MAN2B2: variants seen among roughly 807,000 people sequenced by gnomAD.
MAN2B2 encodes the protein mannosidase alpha class 2B member 2.
In MAN2B2, 106 loss-of-function variants were observed where a neutral mutation model predicts 117.1. The observed-to-expected ratio is 0.90, with a 90% confidence interval of 0.77 to 1.06. The LOEUF is 1.06. Ranked by LOEUF, MAN2B2 falls within the 50% of genes least tolerant of loss-of-function variation. MAN2B2 has a pLI of 0.00. For missense variants in MAN2B2, 1,326 were observed against 1,381.4 expected (o/e 0.96, Z 0.64); for synonymous variants, 544 against 595.1 (o/e 0.91, Z 1.25).
At chr4:6,620,753 C>T (rs929898661) in intron 18 of MAN2B2, 5 of 167,032 alleles carry the variant, frequency 3.0e-5, no homozygotes, top group African/African-American at 4.8e-5. Context: ...GATAAGTGGA[C>T]GGCTCCCTCC....
chr4:6,592,754 A>T (rs1425122905), intron 5 of MAN2B2, among the ~76,000 whole-genome samples: 1 of 152,248 alleles, frequency 6.6e-6, no homozygotes, highest in Non-Finnish European at 1.5e-5. Context: ...TAAGGCAAAC[A>T]GAGAAAGATG....
At position 6,589,137 on chromosome 4, in the gene MAN2B2, G is replaced by T; in HGVS notation, c.657G>T (p.Pro219=). 1 of 1,614,082 alleles carries T rather than the reference G, an allele frequency of 6.2e-7. No individual in the cohort carries two copies. Among genetic ancestry groups the T allele is most frequent in the Non-Finnish European group, 8.5e-7 (1 of 1,179,944 alleles). The part of the protein sequence containing the change: ...HIMDQYSYCT[P]SHIPFSNRSG... ...TGGACCAGTACAGCTACTGCACCCC[G>T]TCCCACATCCCTTTCTCCAACAGGT... The change falls in exon 5 of 19, where the codon CCG becomes CCT. Residue 219 remains proline (P), a synonymous_variant. Coordinates refer to ENST00000285599, the MANE Select transcript of MAN2B2 (RefSeq NM_015274.3).
chr4:6,614,074 T>C (rs1711730621), intron 15 of MAN2B2, 144 bp from the exon 16 acceptor site: 1 of 977,464 alleles, frequency 1.0e-6, no homozygotes, highest in Admixed American at 2.7e-5. Context: ...ACAAACACTT[T>C]GGGCTGGTGC....
At chr4:6,610,081 C>T (rs1215367957) in intron 13 of MAN2B2, 31 bp downstream of exon 13, 2 of 1,610,930 alleles carry the variant, frequency 1.2e-6, no homozygotes, top group Admixed American at 1.7e-5. Flanking sequence ...AAGGCACGCT[C>T]CCAATGGCGC....
chr4:6,610,381 G>A (rs927328122), intron 13 of MAN2B2, among the ~76,000 whole-genome samples: 1 of 152,024 alleles, frequency 6.6e-6, no homozygotes, highest in Non-Finnish European at 1.5e-5. Flanking sequence ...GGTCTTGAAC[G>A]CCTGACCTCA....
At chr4:6,608,264 T>TTTTC (rs1727624340) in intron 11 of MAN2B2, among the ~76,000 whole-genome samples, 1 of 152,156 alleles carries the variant, frequency 6.6e-6, no homozygotes, top group South Asian at 2.1e-4. Context: ...GCCTCAATTC[T>TTTTC]TTTCTTTCTC....
intron 1 of MAN2B2, among the ~76,000 whole-genome samples, chr4:6,576,132 G>A (rs942896142): frequency 6.6e-6 from 1 of 152,146 alleles, no homozygotes; most frequent in African/African-American, 2.4e-5. Context: ...AGCCTGGGGA[G>A]CTCTTCCTCT....
At position 6,576,682 on chromosome 4, in the gene MAN2B2, G is replaced by A; in HGVS notation, c.243G>A (p.Arg81=). Residue 81 remains arginine, a synonymous_variant, in exon 2 of 19, where the codon CGG becomes CGA. Coordinates refer to ENST00000285599, the MANE Select transcript of MAN2B2 (RefSeq NM_015274.3). ...RFIAVEQEFF[R]LWWDGVASDQ... is the part of the protein sequence containing the mutation. ...TCGCTGTGGAGCAGGAGTTTTTCCGGCTGTGGTGGGATGGCGTCGCCTCGG... is the reference window on the plus strand; with the variant it reads ...TCGCTGTGGAGCAGGAGTTTTTCCGACTGTGGTGGGATGGCGTCGCCTCGG... 2 of 1,613,986 alleles carry A rather than the reference G, an allele frequency of 1.2e-6. No individual in the cohort carries two copies. Among genetic ancestry groups the A allele is most frequent in the Non-Finnish European group, 1.7e-6 (2 of 1,179,998 alleles).
rs1447800151 is a variant in MAN2B2, at chr4:6,609,148, AGTACCACG to A, written c.1857_1864del (p.Glu619AspfsTer13). The stretch of plus-strand genomic sequence containing the variant: ...GTGCGCGTGACCCAGGAATTCCTGG[AGTACCACG>A]TCAACGGGGATGTGAAACAGGGCCC... On this transcript the variant is annotated frameshift_variant, in exon 12 of 19. Coordinates refer to ENST00000285599, the MANE Select transcript of MAN2B2 (RefSeq NM_015274.3). LOFTEE classifies it high-confidence loss of function. 5 of 1,614,222 alleles carry A rather than the reference AGTACCACG, an allele frequency of 3.1e-6. No individual in the cohort carries two copies. The highest frequency in any genetic ancestry group is 4.2e-6 in the Non-Finnish European group (5 of 1,180,026).
At chr4:6,606,212 C>T (rs1231022017) in intron 11 of MAN2B2, among the ~76,000 whole-genome samples, 1 of 152,198 alleles carries the variant, frequency 6.6e-6, no homozygotes, top group African/African-American at 2.4e-5. Flanking sequence ...AGGTGGGTAT[C>T]AGGGGAGCTC....
chr4:6,579,094 CACCAG>C (rs1726216577), intron 3 of MAN2B2, among the ~76,000 whole-genome samples: 1 of 75,892 alleles, frequency 1.3e-5, no homozygotes, highest in African/African-American at 6.4e-5. Context: ...CCATCACCAT[CACCAG>C]CACCACCACC....
intron 11 of MAN2B2, 115 bp downstream of exon 11, chr4:6,605,444 G>T: frequency 8.4e-7 from 1 of 1,196,478 alleles, no homozygotes; most frequent in Non-Finnish European, 1.1e-6. Flanking sequence ...ACAGATGGTG[G>T]TGAAACCCCT....
In MAN2B2 at chr4:6,589,131, C is replaced by T. The variant is rs541916300; in HGVS notation, c.651C>T (p.Cys217=). ...ACATCATGGACCAGTACAGCTACTG[C>T]ACCCCGTCCCACATCCCTTTCTCCA... The part of the protein sequence containing the change: ...FTHIMDQYSY[C]TPSHIPFSNR... The change falls in exon 5 of 19, where the codon TGC becomes TGT. Residue 217 remains cysteine (C), a synonymous_variant. Transcript: ENST00000285599. 14 of 1,614,148 alleles carry T rather than the reference C, an allele frequency of 8.7e-6. No individual in the cohort carries two copies. The highest frequency in any genetic ancestry group is 6.6e-5 in the South Asian group (6 of 91,088).
At chr4:6,605,741 T>C (rs1409811629) in intron 11 of MAN2B2, among the ~76,000 whole-genome samples, 4 of 151,446 alleles carry the variant, frequency 2.6e-5, no homozygotes, top group Non-Finnish European at 4.4e-5. Flanking sequence ...CCCACTTATC[T>C]ACCCACCCAG....
intron 3 of MAN2B2, among the ~76,000 whole-genome samples, chr4:6,583,156 G>A (rs1726501559): frequency 6.6e-6 from 1 of 152,172 alleles, no homozygotes; most frequent in Admixed American, 6.5e-5. Context: ...CTAGGGGATA[G>A]GGAATGGTGG....
chr4:6,589,263 A>G (rs1232460843), intron 5 of MAN2B2, 103 bp downstream of exon 5: 5 of 884,460 alleles, frequency 5.7e-6, no homozygotes, highest in South Asian at 3.1e-5. Context: ...TTTTAAGACA[A>G]GAGCTTCTGC....
Position 6,619,737 on chromosome 4 carries a change from T to G in MAN2B2, c.2815-190T>G, listed in dbSNP as rs527607992. 2.1e-5 allele frequency: 13 copies of G among 608,568 alleles called. No homozygotes were observed. In the East Asian group the frequency reaches 3.6e-4, roughly 17 times the overall value. 37.7% of individuals were successfully genotyped at this position (608,568 alleles called of 1,614,324 possible). A position where few individuals can be genotyped will look rare whatever the true frequency, so the allele number is the denominator to read the frequency against. ...CGCTTCAGTGTCCTCATCTGTAAAG[T>G]ACACGGCCAGTCCTGTCCTCGCAGA... On this transcript the variant is annotated intron_variant, in intron 17 of 18. Coordinates refer to ENST00000285599, the MANE Select transcript of MAN2B2 (RefSeq NM_015274.3).
intron 1 of MAN2B2, 119 bp from the exon 2 acceptor site, chr4:6,576,459 A>G: frequency 8.4e-7 from 1 of 1,185,544 alleles, no homozygotes; most frequent in Non-Finnish European, 1.2e-6. Context: ...GGGGGTGAGC[A>G]GCAGGGAAGG....
chr4:6,614,688 G>A (rs974348941), intron 16 of MAN2B2, among the ~76,000 whole-genome samples: 2 of 152,178 alleles, frequency 1.3e-5, no homozygotes, highest in African/African-American at 4.8e-5. Flanking sequence ...ACTTCTTCCA[G>A]GGAAACCTCC....
Sources: gnomAD v4.1 joint callset for allele counts (sites outside exome capture counted in the v4.1 genomes callset) on GRCh38, gnomAD v4.1.1 for gene constraint, MANE v1.5 for transcripts, NCBI Gene and HGNC (gene_info 2026-07-23, HGNC 2026-07-21) for gene names.